The following NBAS variants were observed in gnomAD, a reference collection of about 807,000 sequenced individuals.
The protein encoded by NBAS is NAG/BC035112 fusion.
In NBAS, 219 loss-of-function variants were observed where a neutral mutation model predicts 302.5. That is an observed-to-expected ratio of 0.72 (90% CI 0.65 to 0.81). The LOEUF is 0.81. NBAS is among the 30% of genes least tolerant of loss of function. The pLI, the probability that NBAS is intolerant of heterozygous loss-of-function variation, is 0.00. For missense variants in NBAS, 2,932 were observed against 2,841.6 expected (o/e 1.03, Z -0.72); for synonymous variants, 1,118 against 1,021.6 (o/e 1.09, Z -1.80).
At chr2:14,940,959 C>T in the NBAS span, among the ~76,000 whole-genome samples, 1 of 152,238 alleles carries the variant, frequency 6.6e-6, no homozygotes, top group African/African-American at 2.4e-5. Flanking sequence ...TCTAGGGCCC[C>T]TAGCCCAGTC....
At chr2:15,185,284 G>A (rs183441123) in intron 50 of NBAS, among the ~76,000 whole-genome samples, 2 of 152,300 alleles carry the variant, frequency 1.3e-5, no homozygotes, top group East Asian at 1.9e-4. Flanking sequence ...AAGCCCAAGA[G>A]TGTTAGCAAA....
chr2:15,415,834 G>A, intron 24 of NBAS, 115 bp from the exon 25 acceptor site: 1 of 1,093,348 alleles, frequency 9.1e-7, no homozygotes, highest in Non-Finnish European at 1.4e-6. Context: ...GTTAAACAGT[G>A]CAAACCCAAC....
Position 15,437,201 on chromosome 2 carries a change from T to C in NBAS, c.2340-9407A>G, listed in dbSNP as rs186306886. Among the ~76,000 whole-genome samples, 561 of 152,218 alleles carry C rather than the reference T, an allele frequency of 3.7e-3. 2 individuals carry two copies. The highest frequency in any genetic ancestry group is 0.017 in the Middle Eastern group (5 of 294). On this transcript the variant is annotated intron_variant, in intron 21 of 51. Transcript: ENST00000281513. ...TATGAGTACAAAGAGATGTGGAATT[T>C]AGCTGGGCATGATGGAGGATACCTG...
chr2:15,371,170 T>G (rs114786873), intron 31 of NBAS, among the ~76,000 whole-genome samples: 1 of 152,182 alleles, frequency 6.6e-6, no homozygotes, highest in African/African-American at 2.4e-5. Flanking sequence ...TTCTCAAATA[T>G]ACTCTTCTCT....
At chr2:15,149,519 A>C in the NBAS span, among the ~76,000 whole-genome samples, 2 of 152,130 alleles carry the variant, frequency 1.3e-5, no homozygotes, top group African/African-American at 4.8e-5. Flanking sequence ...AGGGTCTCAC[A>C]CTGTCACTCA....
intron 9 of NBAS, among the ~76,000 whole-genome samples, chr2:15,533,697 T>C (rs902292061): frequency 1.6e-4 from 7 of 44,026 alleles, no homozygotes; most frequent in South Asian, 5.3e-4. Flanking sequence ...TGTGTGTGTG[T>C]GTGTGTGTGT....
the NBAS span, among the ~76,000 whole-genome samples, chr2:15,108,092 G>T: frequency 1.3e-5 from 2 of 152,082 alleles, no homozygotes; most frequent in African/African-American, 4.8e-5. Flanking sequence ...ACCTGTTGAT[G>T]CACTTTGGGA....
At chr2:15,512,111 G>A (rs1424586865) in intron 9 of NBAS, among the ~76,000 whole-genome samples, 2 of 151,998 alleles carry the variant, frequency 1.3e-5, no homozygotes, top group Non-Finnish European at 1.5e-5. Flanking sequence ...CTCCTTCTTG[G>A]CCATACTCAT....
chr2:15,272,101 T>G (rs558197983), intron 44 of NBAS, among the ~76,000 whole-genome samples: 1 of 152,348 alleles, frequency 6.6e-6, no homozygotes, highest in African/African-American at 2.4e-5. Context: ...GGCAATGGAA[T>G]GACTGTTACC....
At chr2:14,789,482 AG>A in the NBAS span, among the ~76,000 whole-genome samples, 2 of 152,134 alleles carry the variant, frequency 1.3e-5, no homozygotes, top group Non-Finnish European at 2.9e-5. Flanking sequence ...TTGGCTGCCA[AG>A]TTCCTCCAAA....
intron 16 of NBAS, among the ~76,000 whole-genome samples, chr2:15,469,457 T>C (rs1558368139): frequency 6.6e-6 from 1 of 152,116 alleles, no homozygotes; most frequent in Non-Finnish European, 1.5e-5. Context: ...GAACTAGAAA[T>C]ACCATTTGAC....
chr2:15,125,121 T>G, the NBAS span, among the ~76,000 whole-genome samples: 1 of 152,224 alleles, frequency 6.6e-6, no homozygotes, highest in Non-Finnish European at 1.5e-5. Context: ...GGCTATATAC[T>G]GCAAAGCCAC....
At chr2:15,487,023 A>G (rs1334000355) in intron 12 of NBAS, among the ~76,000 whole-genome samples, 1 of 152,210 alleles carries the variant, frequency 6.6e-6, no homozygotes, top group Non-Finnish European at 1.5e-5. Context: ...TAGGATACAC[A>G]GAATATGAAA....
chr2:14,854,985 G>T, the NBAS span, among the ~76,000 whole-genome samples: 1 of 152,106 alleles, frequency 6.6e-6, no homozygotes, highest in African/African-American at 2.4e-5. Flanking sequence ...CCCCCAGGCT[G>T]CAGAGATCAT....
Position 15,178,882 on chromosome 2 carries a change from A to C in NBAS, c.6840+106T>G, listed in dbSNP as rs1160447702. On this transcript the variant is annotated intron_variant, in intron 51 of 51. Coordinates refer to ENST00000281513, the MANE Select transcript of NBAS (RefSeq NM_015909.4). ...GGTCAGAGAATACTATAGATATAGTAGTCTTCAATTAACCACGGTGTTATT... is the reference window on the plus strand; with the variant it reads ...GGTCAGAGAATACTATAGATATAGTCGTCTTCAATTAACCACGGTGTTATT... 5.4e-6 allele frequency: 8 copies of C among 1,472,434 alleles called. No individual in the cohort carries two copies. The African/African-American group carries it at 1.1e-4, about 21-fold the overall frequency. 91.2% of individuals were successfully genotyped at this position (1,472,434 alleles called of 1,614,324 possible). A position where few individuals can be genotyped will look rare whatever the true frequency, so the allele number is the denominator to read the frequency against.
the NBAS span, among the ~76,000 whole-genome samples, chr2:15,059,309 T>A: frequency 6.6e-6 from 1 of 152,272 alleles, no homozygotes; most frequent in Admixed American, 6.5e-5. Context: ...ATAACTGCTG[T>A]ACAGTAAATG....
At chr2:14,783,104 G>A in the NBAS span, among the ~76,000 whole-genome samples, 641 of 151,936 alleles carry the variant, frequency 4.2e-3, 3 homozygotes, top group African/African-American at 0.015. Context: ...CCCCTGAACC[G>A]AAAATAAAAG....
the NBAS span, among the ~76,000 whole-genome samples, chr2:14,812,093 G>T: frequency 2.4e-3 from 367 of 152,284 alleles, no homozygotes; most frequent in African/African-American, 8.1e-3. Context: ...GACACAAATG[G>T]TCTTATTCAC....
chr2:14,894,311 A>G, the NBAS span, among the ~76,000 whole-genome samples: 6 of 152,198 alleles, frequency 3.9e-5, no homozygotes, highest in Non-Finnish European at 8.8e-5. Context: ...AAGTTTTCAG[A>G]TGCCAGTGAT....
Sources: allele counts gnomAD v4.1 joint callset (sites outside exome capture counted in the v4.1 genomes callset), GRCh38; gene constraint gnomAD v4.1.1; transcripts MANE v1.5; gene names NCBI Gene and HGNC (gene_info 2026-07-23, HGNC 2026-07-21).